The following COL5A2 variants were observed in gnomAD, a reference collection of about 807,000 sequenced individuals.
The protein encoded by COL5A2 is collagen alpha-2(V) chain.
COL5A2 carries 23 observed loss-of-function variants against 208.2 expected under a neutral mutation model. The observed-to-expected ratio is 0.11, with a 90% CI of 0.08 to 0.16. The LOEUF (loss-of-function observed/expected upper bound fraction) is 0.16. COL5A2 is among the 10% of genes least tolerant of loss of function. COL5A2 has a pLI of 1.00. For synonymous variants in COL5A2, 625 were observed against 628.5 expected (o/e 0.99, Z 0.08); for missense variants, 1,590 against 1,956.4 (o/e 0.81, Z 3.53).
chr2:189,092,262 A>G (rs1044062601), intron 7 of COL5A2, 48 bp downstream of exon 7: 2 of 1,152,314 alleles, frequency 1.7e-6, no homozygotes, highest in Non-Finnish European at 2.6e-6. Context: ...TATATCAATA[A>G]TTTAAAACAT....
At chr2:189,145,307 C>A (rs1338392021) in intron 1 of COL5A2, among the ~76,000 whole-genome samples, 1 of 152,074 alleles carries the variant, frequency 6.6e-6, no homozygotes, top group Non-Finnish European at 1.5e-5. Flanking sequence ...TGATACATTT[C>A]TTGACCATCT....
At chr2:189,274,524 A>C in the COL5A2 span, among the ~76,000 whole-genome samples, 1 of 152,144 alleles carries the variant, frequency 6.6e-6, no homozygotes, top group Non-Finnish European at 1.5e-5. Flanking sequence ...TTACATGAAC[A>C]ATTCAGCCCA....
the COL5A2 span, among the ~76,000 whole-genome samples, chr2:189,322,704 A>T: frequency 3.9e-5 from 6 of 152,154 alleles, no homozygotes; most frequent in Non-Finnish European, 8.8e-5. Flanking sequence ...CAACCAAAAA[A>T]CGTCCAGGAC....
chr2:189,171,982 A>G (rs1269575050), intron 1 of COL5A2, among the ~76,000 whole-genome samples: 1 of 152,166 alleles, frequency 6.6e-6, no homozygotes, highest in Non-Finnish European at 1.5e-5. Flanking sequence ...GGAGTGGTCA[A>G]TGGTCTCCAA....
the COL5A2 span, among the ~76,000 whole-genome samples, chr2:189,272,367 T>A: frequency 6.6e-6 from 1 of 152,052 alleles, no homozygotes; most frequent in Non-Finnish European, 1.5e-5. Context: ...TGCAGGGCCA[T>A]GAATGAAGCT....
intron 1 of COL5A2, among the ~76,000 whole-genome samples, chr2:189,133,638 G>A (rs1442877022): frequency 2.0e-5 from 3 of 152,084 alleles, no homozygotes; most frequent in Non-Finnish European, 4.4e-5. Flanking sequence ...AGAGCGTCAG[G>A]CAGCAGGGAA....
the COL5A2 span, among the ~76,000 whole-genome samples, chr2:189,235,298 T>G: frequency 6.6e-6 from 1 of 151,820 alleles, no homozygotes; most frequent in Non-Finnish European, 1.5e-5. Flanking sequence ...CTCTCTTACT[T>G]TCTTACTAAA....
chr2:189,053,372 T>A (rs75502372), intron 38 of COL5A2, 52 bp downstream of exon 38: 20 of 1,452,280 alleles, frequency 1.4e-5, no homozygotes, highest in Middle Eastern at 3.5e-4. Context: ...ATTAAACTTA[T>A]TATAACAAGA....
At chr2:189,092,753 G>A (rs1686815292) in intron 6 of COL5A2, among the ~76,000 whole-genome samples, 1 of 152,106 alleles carries the variant, frequency 6.6e-6, no homozygotes, top group Non-Finnish European at 1.5e-5. Flanking sequence ...CCGTGCAAGG[G>A]TATTTGATCA....
the COL5A2 span, among the ~76,000 whole-genome samples, chr2:189,435,395 C>G: frequency 1.3e-5 from 2 of 152,104 alleles, no homozygotes; most frequent in Admixed American, 1.3e-4. Context: ...AGGCAACCTA[C>G]AGAATGGGAG....
chr2:189,281,580 A>G, the COL5A2 span, among the ~76,000 whole-genome samples: 1 of 152,232 alleles, frequency 6.6e-6, no homozygotes, highest in East Asian at 1.9e-4. Flanking sequence ...CATGAGGCAA[A>G]GAAATATTTT....
At chr2:189,435,158 C>T in the COL5A2 span, among the ~76,000 whole-genome samples, 3 of 152,102 alleles carry the variant, frequency 2.0e-5, no homozygotes, top group African/African-American at 7.2e-5. Context: ...TTCCTTACAC[C>T]TTATACAAAA....
chr2:189,153,785 C>A (rs919959683), intron 1 of COL5A2, among the ~76,000 whole-genome samples: 1 of 152,028 alleles, frequency 6.6e-6, no homozygotes, highest in Admixed American at 6.6e-5. Context: ...CAGTGCTTCA[C>A]ATCCCTTTTG....
the COL5A2 span, among the ~76,000 whole-genome samples, chr2:189,367,112 A>C: frequency 6.6e-6 from 1 of 152,190 alleles, no homozygotes; most frequent in Non-Finnish European, 1.5e-5. Context: ...ACTACGTAAG[A>C]CTATATTCCA....
intron 1 of COL5A2, among the ~76,000 whole-genome samples, chr2:189,154,224 T>A (rs1319276413): frequency 1.3e-5 from 2 of 152,172 alleles, no homozygotes; most frequent in Non-Finnish European, 2.9e-5. Context: ...CTCTAAGACA[T>A]GATATTTGAA....
chr2:189,313,720 T>C, the COL5A2 span, among the ~76,000 whole-genome samples: 1 of 152,096 alleles, frequency 6.6e-6, no homozygotes, highest in Non-Finnish European at 1.5e-5. Context: ...ATGACCCACA[T>C]GGGCTCAAAA....
chr2:189,151,837 T>C (rs1034706270), intron 1 of COL5A2, among the ~76,000 whole-genome samples: 1 of 152,176 alleles, frequency 6.6e-6, no homozygotes, highest in Non-Finnish European at 1.5e-5. Context: ...TAAGAAATTA[T>C]ATACAAGCTA....
chr2:189,402,543 T>C, the COL5A2 span, among the ~76,000 whole-genome samples: 9 of 152,354 alleles, frequency 5.9e-5, no homozygotes, highest in Non-Finnish European at 2.9e-5. Context: ...TACATTTCAA[T>C]CTTTAATCCA....
At chr2:189,295,602 G>A in the COL5A2 span, among the ~76,000 whole-genome samples, 1 of 152,132 alleles carries the variant, frequency 6.6e-6, no homozygotes, top group South Asian at 2.1e-4. Context: ...GTGACCGAAT[G>A]AGACTCAGTC....
Sources: gnomAD v4.1 joint callset for allele counts (sites outside exome capture counted in the v4.1 genomes callset) on GRCh38, gnomAD v4.1.1 for gene constraint, MANE v1.5 for transcripts, NCBI Gene and HGNC (gene_info 2026-07-23, HGNC 2026-07-21) for gene names.